The following CTNND2 variants were observed in gnomAD, a reference collection of about 807,000 sequenced individuals.
CTNND2 encodes the protein catenin delta-2.
A neutral mutation model predicts 144.4 loss-of-function variants in CTNND2; 22 were observed. That is an observed-to-expected ratio of 0.15 (90% CI 0.11 to 0.22). The LOEUF (loss-of-function observed/expected upper bound fraction) is 0.22. CTNND2 is among the 10% of genes least tolerant of loss of function. The pLI, the probability that CTNND2 is intolerant of heterozygous loss-of-function variation, is 1.00. For synonymous variants in CTNND2, 751 were observed against 695.6 expected (o/e 1.08, Z -1.25); for missense variants, 1,353 against 1,618.8 (o/e 0.84, Z 2.82).
intron 13 of CTNND2, among the ~76,000 whole-genome samples, chr5:11,112,288 G>C (rs1753074760): frequency 6.6e-6 from 1 of 152,206 alleles, no homozygotes; most frequent in South Asian, 2.1e-4. Flanking sequence ...TCCTCACAAG[G>C]GGCCTGTACG....
chr5:11,821,699 A>G (rs1368069548), intron 1 of CTNND2, among the ~76,000 whole-genome samples: 1 of 152,178 alleles, frequency 6.6e-6, no homozygotes, highest in African/African-American at 2.4e-5. Flanking sequence ...TTCAGAAATT[A>G]CTTCTGAGAG....
At chr5:11,872,728 TG>T (rs1410856038) in intron 1 of CTNND2, among the ~76,000 whole-genome samples, 2 of 152,324 alleles carry the variant, frequency 1.3e-5, no homozygotes, top group East Asian at 1.9e-4. Context: ...TTGATGGGGT[TG>T]TTTTTTTTCT....
At chr5:10,991,979 G>A (rs558010930) in intron 19 of CTNND2, among the ~76,000 whole-genome samples, 23 of 152,304 alleles carry the variant, frequency 1.5e-4, no homozygotes, top group Non-Finnish European at 2.1e-4. Flanking sequence ...GTGCAGTGGC[G>A]CGATCTCTGC....
At chr5:11,615,760 T>C (rs7719452) in intron 2 of CTNND2, among the ~76,000 whole-genome samples, 13 of 152,034 alleles carry the variant, frequency 8.6e-5, no homozygotes, top group Non-Finnish European at 1.5e-4. Context: ...GAGCTATGCA[T>C]GTGATAAGAC....
At chr5:11,849,475 C>G (rs1794913570) in intron 1 of CTNND2, among the ~76,000 whole-genome samples, 1 of 152,080 alleles carries the variant, frequency 6.6e-6, no homozygotes, top group Admixed American at 6.5e-5. Flanking sequence ...TCCACATTTC[C>G]TAGTACTCCA....
At chr5:11,845,025 G>A (rs1001527466) in intron 1 of CTNND2, among the ~76,000 whole-genome samples, 3 of 152,054 alleles carry the variant, frequency 2.0e-5, no homozygotes, top group Non-Finnish European at 2.9e-5. Context: ...TTACTGTATC[G>A]TGGCAAGAAA....
rs549132729 is a variant in CTNND2, at chr5:11,690,652, C to T, written c.174+41484G>A. ...TCGAGAGGCTGAGGCAGGAGAATGGCGTGAACCCGGGAAGTGGAGCTTGCA... is the reference window on the plus strand; with the variant it reads ...TCGAGAGGCTGAGGCAGGAGAATGGTGTGAACCCGGGAAGTGGAGCTTGCA... On this transcript the variant is annotated intron_variant, in intron 2 of 21. Transcript: ENST00000304623. Among the ~76,000 whole-genome samples the T allele has an allele frequency of 7.8e-5, 11 of 141,850 alleles. No homozygotes were observed. The East Asian group carries it at 9.3e-4, about 12-fold the overall frequency. The allele number at this position is 141,850 out of a possible 152,430, so 93.1% of individuals were successfully genotyped here.
chr5:11,404,690 T>G (rs1760944302), intron 5 of CTNND2, among the ~76,000 whole-genome samples: 1 of 136,568 alleles, frequency 7.3e-6, no homozygotes, highest in Non-Finnish European at 1.6e-5. Flanking sequence ...CAATCTTGGC[T>G]CACTGCAACC....
chr5:11,124,096 AT>A (rs1287436711), intron 12 of CTNND2, among the ~76,000 whole-genome samples: 1 of 152,146 alleles, frequency 6.6e-6, no homozygotes, highest in African/African-American at 2.4e-5. Flanking sequence ...ATTGATGGAA[AT>A]TTTTTAACTC....
chr5:11,156,823 AG>A (rs1334512627), intron 12 of CTNND2, among the ~76,000 whole-genome samples: 2 of 152,188 alleles, frequency 1.3e-5, no homozygotes, highest in Non-Finnish European at 2.9e-5. Flanking sequence ...GAAGTAAGAA[AG>A]AAGGGAGAGG....
Position 11,088,355 on chromosome 5 carries a change from T to A in CTNND2, c.2638-5509A>T, listed in dbSNP as rs904649629. Among the ~76,000 whole-genome samples the A allele has an allele frequency of 2.2e-4, 33 of 151,936 alleles. 1 individual carries two copies. The highest frequency in any genetic ancestry group is 7.5e-4 in the African/African-American group (31 of 41,366). ...CACACTACTACCCTCTAAACAAGAGTGGTGGTTGAGAGGTGCAGGCTCTGA... is the reference window on the plus strand; with the variant it reads ...CACACTACTACCCTCTAAACAAGAGAGGTGGTTGAGAGGTGCAGGCTCTGA... On this transcript the variant is annotated intron_variant, in intron 15 of 21. Transcript: ENST00000304623.
chr5:11,139,245 G>T (rs1756457883), intron 12 of CTNND2, among the ~76,000 whole-genome samples: 1 of 152,172 alleles, frequency 6.6e-6, no homozygotes, highest in South Asian at 2.1e-4. Flanking sequence ...ACAGGCATGA[G>T]CGACCACACC....
At chr5:11,846,078 G>A (rs1002561133) in intron 1 of CTNND2, among the ~76,000 whole-genome samples, 4 of 152,054 alleles carry the variant, frequency 2.6e-5, no homozygotes, top group Admixed American at 6.6e-5. Flanking sequence ...ATATAGGAGC[G>A]AATTGGTGAA....
chr5:11,165,679 T>G lies in CTNND2; in HGVS notation c.1976-5920A>C, dbSNP rs1759253973. On this transcript the variant is annotated intron_variant, in intron 11 of 21. Transcript: ENST00000304623. The stretch of plus-strand genomic sequence containing the variant: ...CGAAGACATTTACGTATACTAAAGA[T>G]ATTTAAAAATATAGTTTATTTTTAT... Among the ~76,000 whole-genome samples, 4 of 152,348 alleles carry G rather than the reference T, an allele frequency of 2.6e-5. No homozygotes were observed. In the South Asian group the frequency reaches 8.3e-4, roughly 32 times the overall value.
At position 11,378,989 on chromosome 5, in the gene CTNND2, T is replaced by C. The variant is rs961447284; in HGVS notation, c.1177+5676A>G. On this transcript the variant is annotated intron_variant, in intron 7 of 21. Coordinates refer to ENST00000304623, the MANE Select transcript of CTNND2 (RefSeq NM_001332.4). ...ATTAGGTCAATTTTGATTTAAATCA[T>C]TGGTTAAGAGTCTCCACTTCATTCA... Among the ~76,000 whole-genome samples the C allele has an allele frequency of 5.3e-5, 8 of 152,206 alleles. No individual in the cohort carries two copies. The East Asian group carries it at 1.3e-3, about 26-fold the overall frequency.
At chr5:11,147,528 C>A (rs1757354760) in intron 12 of CTNND2, among the ~76,000 whole-genome samples, 1 of 152,086 alleles carries the variant, frequency 6.6e-6, no homozygotes, top group Non-Finnish European at 1.5e-5. Flanking sequence ...CCAGCTATGT[C>A]CACACAGCTG....
intron 3 of CTNND2, among the ~76,000 whole-genome samples, chr5:11,506,588 C>T (rs186144699): frequency 2.9e-4 from 44 of 152,316 alleles, no homozygotes; most frequent in Admixed American, 2.0e-3. Flanking sequence ...CTATGTGAGA[C>T]GAAGCGTGTT....
chr5:11,498,157 T>C (rs894037177), intron 3 of CTNND2, among the ~76,000 whole-genome samples: 1 of 152,034 alleles, frequency 6.6e-6, no homozygotes, highest in African/African-American at 2.4e-5. Flanking sequence ...AGTTTTGGGG[T>C]GGTTTGTTGC....
intron 3 of CTNND2, among the ~76,000 whole-genome samples, chr5:11,415,087 A>G (rs1037589044): frequency 6.6e-6 from 1 of 152,214 alleles, no homozygotes; most frequent in African/African-American, 2.4e-5. Context: ...TTATGGTACA[A>G]TAATTCATAT....
Sources: gnomAD v4.1 joint callset for allele counts (sites outside exome capture counted in the v4.1 genomes callset) on GRCh38, gnomAD v4.1.1 for gene constraint, MANE v1.5 for transcripts, NCBI Gene and HGNC (gene_info 2026-07-23, HGNC 2026-07-21) for gene names.